PCDH9: variants seen among roughly 807,000 people sequenced by gnomAD.
The protein encoded by PCDH9 is protocadherin-9.
A neutral mutation model predicts 70.6 loss-of-function variants in PCDH9; 24 were observed. The ratio of observed to expected loss-of-function variants is 0.34; its 90% CI spans 0.25 to 0.48. PCDH9 has a LOEUF of 0.48. Among genes scored for constraint, PCDH9 ranks in the 20% least tolerant of loss-of-function variants. The pLI is 0.99. For missense variants in PCDH9, 1,281 were observed against 1,503.6 expected, an observed-to-expected ratio of 0.85 and a Z score of 2.45; for synonymous variants, 562 against 558.5, an observed-to-expected ratio of 1.01 and a Z score of -0.09.
At chr13:66,974,807 T>C (rs1159988732) in intron 2 of PCDH9, among the ~76,000 whole-genome samples, 2 of 151,976 alleles carry the variant, frequency 1.3e-5, no homozygotes, top group African/African-American at 4.8e-5. Flanking sequence ...TGAAAACAGC[T>C]TTACAGTGAA....
Position 66,933,995 on chromosome 13 carries a change from A to C in PCDH9, c.3037-30390T>G, listed in dbSNP as rs139773194. Among the ~76,000 whole-genome samples, 80 of 152,176 alleles carry C rather than the reference A, an allele frequency of 5.3e-4. No individual in the cohort carries two copies. The East Asian group carries it at 0.015, about 29-fold the overall frequency. Reference sequence around the variant, plus strand: ...ACGTGTAATCATGCTGAACAAAATTAATCAATTTTTCAATGTCGGCATTTA... The same window carrying C: ...ACGTGTAATCATGCTGAACAAAATTCATCAATTTTTCAATGTCGGCATTTA... On this transcript the variant is annotated intron_variant, in intron 2 of 4. Transcript: ENST00000377865.
chr13:66,384,829 TA>T (rs892733324), intron 4 of PCDH9, among the ~76,000 whole-genome samples: 4 of 115,342 alleles, frequency 3.5e-5, no homozygotes, highest in African/African-American at 8.0e-5. Flanking sequence ...CACTCCCAGA[TA>T]ATTTTTTTTT....
At chr13:66,511,337 C>G (rs1959459758) in intron 4 of PCDH9, among the ~76,000 whole-genome samples, 1 of 152,060 alleles carries the variant, frequency 6.6e-6, no homozygotes, top group Admixed American at 6.6e-5. Context: ...ATTTGTTAGT[C>G]TGCACATTCT....
At chr13:67,148,441 T>A (rs549737288) in intron 2 of PCDH9, among the ~76,000 whole-genome samples, 1 of 151,620 alleles carries the variant, frequency 6.6e-6, no homozygotes, top group African/African-American at 2.4e-5. Context: ...GTGCAATGAG[T>A]CACAGGAAAG....
chr13:66,538,376 T>C (rs1159553040), intron 4 of PCDH9, among the ~76,000 whole-genome samples: 1 of 152,188 alleles, frequency 6.6e-6, no homozygotes, highest in African/African-American at 2.4e-5. Flanking sequence ...GGAAATTATT[T>C]CACAAGAATG....
chr13:67,069,458 T>C (rs562863599), intron 2 of PCDH9, among the ~76,000 whole-genome samples: 3 of 152,294 alleles, frequency 2.0e-5, no homozygotes, highest in Middle Eastern at 3.4e-3. Flanking sequence ...CTCTAATGTT[T>C]TTAATGTAAT....
At chr13:66,324,358 C>T (rs1242708992) in intron 4 of PCDH9, among the ~76,000 whole-genome samples, 1 of 151,922 alleles carries the variant, frequency 6.6e-6, no homozygotes, top group Non-Finnish European at 1.5e-5. Flanking sequence ...CCAAGAGAAA[C>T]GTTAGAGAGC....
chr13:66,738,384 G>C (rs1283465071), intron 3 of PCDH9, among the ~76,000 whole-genome samples: 1 of 151,924 alleles, frequency 6.6e-6, no homozygotes, highest in Non-Finnish European at 1.5e-5. Context: ...AAACCACAAA[G>C]ATGGGGAAAA....
intron 4 of PCDH9, among the ~76,000 whole-genome samples, chr13:66,403,264 C>A (rs984640881): frequency 6.6e-6 from 1 of 151,796 alleles, no homozygotes; most frequent in Non-Finnish European, 1.5e-5. Context: ...CTTAGCCTCC[C>A]GAGTAGCTGG....
chr13:66,848,724 C>T (rs1691426685), intron 3 of PCDH9, among the ~76,000 whole-genome samples: 2 of 151,680 alleles, frequency 1.3e-5, no homozygotes, highest in Admixed American at 6.6e-5. Flanking sequence ...GTCATGAGAG[C>T]GAGACCATCC....
At chr13:67,117,605 G>C (rs889192422) in intron 2 of PCDH9, among the ~76,000 whole-genome samples, 3 of 152,026 alleles carry the variant, frequency 2.0e-5, no homozygotes, top group African/African-American at 7.2e-5. Flanking sequence ...TATACCAAAG[G>C]CTATTTATAA....
intron 2 of PCDH9, among the ~76,000 whole-genome samples, chr13:67,144,982 T>C (rs2087485798): frequency 6.6e-6 from 1 of 152,230 alleles, no homozygotes; most frequent in South Asian, 2.1e-4. Flanking sequence ...ACTCAAATTG[T>C]TCTATTTTAC....
At chr13:66,587,801 A>T (rs925060020) in intron 4 of PCDH9, among the ~76,000 whole-genome samples, 2 of 152,216 alleles carry the variant, frequency 1.3e-5, no homozygotes, top group Admixed American at 6.5e-5. Flanking sequence ...ATTAAAAAAA[A>T]AAAAAAGAAA....
At chr13:66,332,660 G>A (rs746672285) in intron 4 of PCDH9, among the ~76,000 whole-genome samples, 3 of 151,998 alleles carry the variant, frequency 2.0e-5, no homozygotes, top group Non-Finnish European at 4.4e-5. Flanking sequence ...TCTCAGAGGA[G>A]GGGTGGTCAC....
At chr13:67,125,959 G>T (rs1594546144) in intron 2 of PCDH9, among the ~76,000 whole-genome samples, 1 of 151,876 alleles carries the variant, frequency 6.6e-6, no homozygotes, top group East Asian at 1.9e-4. Context: ...CTTTAAATGT[G>T]CTAACTCATT....
chr13:66,866,520 G>A (rs1249379878), intron 3 of PCDH9, among the ~76,000 whole-genome samples: 3 of 146,376 alleles, frequency 2.0e-5, no homozygotes, highest in Non-Finnish European at 4.5e-5. Flanking sequence ...GCTCATGGCT[G>A]GGCATAGTGG....
chr13:66,841,243 G>C (rs1173920125), intron 3 of PCDH9, among the ~76,000 whole-genome samples: 2 of 152,032 alleles, frequency 1.3e-5, no homozygotes, highest in Non-Finnish European at 2.9e-5. Flanking sequence ...CCTAAATAAG[G>C]AATGCATAAA....
Position 67,018,640 on chromosome 13 carries a change from A to T in PCDH9, c.3037-115035T>A, listed in dbSNP as rs1004003194. On this transcript the variant is annotated intron_variant, in intron 2 of 4. Coordinates refer to ENST00000377865, the MANE Select transcript of PCDH9 (RefSeq NM_203487.3). ...TCAAAAAAAAAAAAAAAAGGAAAAA[A>T]AAAGATACAAGGGATAGCCAATAAT... Among the ~76,000 whole-genome samples the T allele has an allele frequency of 3.9e-5, 6 of 152,000 alleles. No individual in the cohort carries two copies. In the South Asian group the frequency reaches 1.2e-3, roughly 32 times the overall value.
At chr13:66,390,102 G>T (rs1252940822) in intron 4 of PCDH9, among the ~76,000 whole-genome samples, 1 of 152,092 alleles carries the variant, frequency 6.6e-6, no homozygotes, top group Non-Finnish European at 1.5e-5. Flanking sequence ...TTAAAAAATT[G>T]CTAATATTTA....
Sources: gnomAD v4.1 joint callset for allele counts (sites outside exome capture counted in the v4.1 genomes callset) on GRCh38, gnomAD v4.1.1 for gene constraint, MANE v1.5 for transcripts, NCBI Gene and HGNC (gene_info 2026-07-23, HGNC 2026-07-21) for gene names.